CTNNA3: variants seen among roughly 807,000 people sequenced by gnomAD.
CTNNA3 encodes the protein catenin alpha 3.
In CTNNA3, 76 loss-of-function variants were observed where a neutral mutation model predicts 95.7. The observed-to-expected ratio is 0.79, with a 90% CI of 0.66 to 0.96. CTNNA3 has a LOEUF of 0.96. Among genes scored for constraint, CTNNA3 ranks in the 40% least tolerant of loss-of-function variants. CTNNA3 has a pLI of 0.00. For missense variants in CTNNA3, 1,191 were observed against 1,089.8 expected (o/e 1.09, Z -1.31); for synonymous variants, 431 against 374.4 (o/e 1.15, Z -1.74).
At chr10:67,149,181 G>A (rs1860974290) in intron 7 of CTNNA3, among the ~76,000 whole-genome samples, 1 of 152,146 alleles carries the variant, frequency 6.6e-6, no homozygotes, top group Non-Finnish European at 1.5e-5. Flanking sequence ...CATTAATATA[G>A]CTTGTGAACA....
Position 66,209,722 on chromosome 10 carries a change from A to G in CTNNA3, c.1884+70748T>C, listed in dbSNP as rs2131945153. On this transcript the variant is annotated intron_variant, in intron 13 of 17. Transcript: ENST00000433211. Reference sequence around the variant, plus strand: ...ATTTTTTCATATTGCCATATTTTATAGTAATAAGCTAGTTTCTGCTTATAA... The same window carrying G: ...ATTTTTTCATATTGCCATATTTTATGGTAATAAGCTAGTTTCTGCTTATAA... Among the ~76,000 whole-genome samples, 5 of 152,298 alleles carry G rather than the reference A, an allele frequency of 3.3e-5. No homozygotes were observed. In the South Asian group the frequency reaches 1.0e-3, roughly 32 times the overall value.
chr10:67,162,071 A>C (rs1861573298), intron 7 of CTNNA3, among the ~76,000 whole-genome samples: 1 of 152,096 alleles, frequency 6.6e-6, no homozygotes, highest in Non-Finnish European at 1.5e-5. Flanking sequence ...ACAAATTCAC[A>C]GTTATAGCTG....
chr10:67,320,511 C>T (rs2620916), intron 5 of CTNNA3, among the ~76,000 whole-genome samples: 105,993 of 152,096 alleles, frequency 0.7, 41,441 homozygotes, highest in Non-Finnish European at 0.88. Context: ...GAAATATTGG[C>T]CAATATATTT....
chr10:67,594,594 G>A (rs186109641), intron 3 of CTNNA3, among the ~76,000 whole-genome samples: 71 of 151,728 alleles, frequency 4.7e-4, no homozygotes, highest in African/African-American at 1.6e-3. Flanking sequence ...GAGGTTGATG[G>A]TAATGTCCCC....
intron 9 of CTNNA3, among the ~76,000 whole-genome samples, chr10:66,689,295 T>A (rs1847426200): frequency 6.6e-6 from 1 of 152,186 alleles, no homozygotes; most frequent in African/African-American, 2.4e-5. Context: ...ATCAAGACTT[T>A]CAACAAATGG....
intron 7 of CTNNA3, among the ~76,000 whole-genome samples, chr10:66,813,262 T>A (rs574466093): frequency 1.3e-5 from 2 of 152,336 alleles, no homozygotes; most frequent in Admixed American, 1.3e-4. Flanking sequence ...TGCTGCATTT[T>A]ATCCTGTCAG....
At chr10:66,296,446 C>A (rs1325288043) in intron 12 of CTNNA3, among the ~76,000 whole-genome samples, 2 of 152,020 alleles carry the variant, frequency 1.3e-5, no homozygotes, top group Non-Finnish European at 2.9e-5. Flanking sequence ...ATTCACATAG[C>A]AAGATCTCTT....
At chr10:66,534,789 C>T (rs1056428802) in intron 10 of CTNNA3, among the ~76,000 whole-genome samples, 4 of 150,746 alleles carry the variant, frequency 2.7e-5, no homozygotes, top group East Asian at 1.9e-4. Flanking sequence ...ATTAACTATA[C>T]GAACTTCATG....
intron 9 of CTNNA3, among the ~76,000 whole-genome samples, chr10:66,648,969 T>C (rs7088881): frequency 0.063 from 9,652 of 152,098 alleles, 1,052 homozygotes; most frequent in African/African-American, 0.22. Context: ...AGAATTCTCT[T>C]TAGGAGAAGA....
intron 9 of CTNNA3, among the ~76,000 whole-genome samples, chr10:66,642,844 T>C (rs566274503): frequency 6.2e-4 from 94 of 152,272 alleles, no homozygotes; most frequent in African/African-American, 2.1e-3. Context: ...ATCTTAACTG[T>C]TGAAGGCTCT....
intron 7 of CTNNA3, among the ~76,000 whole-genome samples, chr10:66,931,670 T>G (rs1443919117): frequency 6.6e-6 from 1 of 151,874 alleles, no homozygotes; most frequent in African/African-American, 2.4e-5. Context: ...TTGAATTTTA[T>G]TTAATTCATT....
chr10:66,845,328 G>A (rs1480106313), intron 7 of CTNNA3, among the ~76,000 whole-genome samples: 1 of 152,158 alleles, frequency 6.6e-6, no homozygotes, highest in Non-Finnish European at 1.5e-5. Context: ...CCTCACACCT[G>A]TTAGAATGGC....
chr10:66,420,798 CAAATAAATAAAT>C (rs547995552), intron 11 of CTNNA3, among the ~76,000 whole-genome samples: 29 of 115,298 alleles, frequency 2.5e-4, no homozygotes, highest in African/African-American at 5.7e-4. Flanking sequence ...GACTCTGTCT[CAAATAAATAAAT>C]AAATAAATAA....
At chr10:66,554,322 C>T (rs1173786094) in intron 10 of CTNNA3, among the ~76,000 whole-genome samples, 1 of 151,948 alleles carries the variant, frequency 6.6e-6, no homozygotes, top group African/African-American at 2.4e-5. Context: ...AGTGATATGT[C>T]AAAATAGGGA....
At chr10:66,083,439 C>T (rs1273617232) in intron 14 of CTNNA3, among the ~76,000 whole-genome samples, 1 of 152,138 alleles carries the variant, frequency 6.6e-6, no homozygotes, top group Admixed American at 6.6e-5. Flanking sequence ...GCCACAACCT[C>T]CTTGGTTTCA....
chr10:66,599,364 G>A (rs1410230474), intron 10 of CTNNA3, among the ~76,000 whole-genome samples: 1 of 152,020 alleles, frequency 6.6e-6, no homozygotes, highest in Non-Finnish European at 1.5e-5. Context: ...ATAAACTTAA[G>A]TATTCGCTTA....
chr10:66,256,739 A>G (rs1260623116), intron 13 of CTNNA3, among the ~76,000 whole-genome samples: 1 of 151,956 alleles, frequency 6.6e-6, no homozygotes, highest in Non-Finnish European at 1.5e-5. Context: ...AAAAGCGTAA[A>G]TTGGAGGAGA....
At chr10:66,403,603 A>T (rs1296634391) in intron 11 of CTNNA3, among the ~76,000 whole-genome samples, 4 of 152,124 alleles carry the variant, frequency 2.6e-5, no homozygotes, top group Non-Finnish European at 4.4e-5. Flanking sequence ...ACACACGGGG[A>T]TTACAATTCA....
At chr10:67,214,425 T>C (rs1020348441) in intron 6 of CTNNA3, among the ~76,000 whole-genome samples, 4 of 151,824 alleles carry the variant, frequency 2.6e-5, no homozygotes, top group Non-Finnish European at 5.9e-5. Flanking sequence ...TATGATTCTA[T>C]CCATCCTAAT....
Sources: allele counts gnomAD v4.1 joint callset (sites outside exome capture counted in the v4.1 genomes callset), GRCh38; gene constraint gnomAD v4.1.1; transcripts MANE v1.5; gene names NCBI Gene and HGNC (gene_info 2026-07-23, HGNC 2026-07-21).